Variants in ZFAND3 observed in about 807,000 individuals in gnomAD.
ZFAND3 encodes the protein zinc finger AN1-type containing 3, also known as AN1-type zinc finger protein 3.
In ZFAND3, 10 loss-of-function variants were observed where a neutral mutation model predicts 29.6. The observed-to-expected ratio is 0.34, with a 90% CI of 0.21 to 0.57. The LOEUF (loss-of-function observed/expected upper bound fraction) is 0.57, where lower values mean the gene tolerates loss of function less well. ZFAND3 is among the 20% of genes least tolerant of loss of function. The pLI, the probability that ZFAND3 is intolerant of heterozygous loss-of-function variation, is 0.86. For synonymous variants in ZFAND3, 128 were observed against 112.6 expected, an observed-to-expected ratio of 1.14 and a Z score of -0.87; for missense variants, 230 against 304.5, an observed-to-expected ratio of 0.76 and a Z score of 1.82.
At chr6:37,981,561 T>C (rs1236223859) in intron 2 of ZFAND3, among the ~76,000 whole-genome samples, 2 of 152,180 alleles carry the variant, frequency 1.3e-5, no homozygotes, top group Non-Finnish European at 2.9e-5. Flanking sequence ...CATGGAATTC[T>C]CAGTAAGTTT....
intron 1 of ZFAND3, among the ~76,000 whole-genome samples, chr6:37,885,955 A>G (rs1395437357): frequency 6.6e-6 from 1 of 151,658 alleles, no homozygotes; most frequent in Non-Finnish European, 1.5e-5. Context: ...AAGTTCGAAC[A>G]GGCCAGGTGC....
At chr6:37,904,269 A>T (rs1326610791) in intron 1 of ZFAND3, among the ~76,000 whole-genome samples, 1 of 152,176 alleles carries the variant, frequency 6.6e-6, no homozygotes, top group Non-Finnish European at 1.5e-5. Flanking sequence ...CACCTTTGAC[A>T]TGCAGCAGAA....
At chr6:38,061,555 G>GCACA (rs1561984821) in intron 2 of ZFAND3, 38 bp from the exon 3 acceptor site, 1 of 1,610,740 alleles carries the variant, frequency 6.2e-7, no homozygotes, top group Non-Finnish European at 8.5e-7. Flanking sequence ...CAGAGACTGT[G>GCACA]AACTCCTTAA....
At chr6:37,896,576 T>TTCTTTCTC (rs1554153880) in intron 1 of ZFAND3, among the ~76,000 whole-genome samples, 1 of 138,904 alleles carries the variant, frequency 7.2e-6, no homozygotes, top group African/African-American at 2.6e-5. Flanking sequence ...CTTTCTCTCT[T>TTCTTTCTC]TCTCTCTCTT....
intron 1 of ZFAND3, among the ~76,000 whole-genome samples, chr6:37,881,557 A>G (rs1383424582): frequency 6.6e-6 from 1 of 152,140 alleles, no homozygotes; most frequent in Non-Finnish European, 1.5e-5. Context: ...CTAAATCTTT[A>G]ATCTCTCCAC....
intron 1 of ZFAND3, among the ~76,000 whole-genome samples, chr6:37,854,088 A>T (rs1764332789): frequency 1.3e-5 from 2 of 152,034 alleles, no homozygotes; most frequent in Non-Finnish European, 2.9e-5. Context: ...AGTAGCTGGG[A>T]TTATAGGCAT....
intron 1 of ZFAND3, among the ~76,000 whole-genome samples, chr6:37,910,878 C>T (rs1765508231): frequency 6.6e-6 from 1 of 152,122 alleles, no homozygotes; most frequent in African/African-American, 2.4e-5. Flanking sequence ...GAAAGAATTT[C>T]CTTCTCTTTT....
intron 1 of ZFAND3, among the ~76,000 whole-genome samples, chr6:37,893,665 T>C (rs1765144636): frequency 6.6e-6 from 1 of 152,150 alleles, no homozygotes; most frequent in Non-Finnish European, 1.5e-5. Flanking sequence ...GCGATTCTCC[T>C]GCCTCAGCCT....
At position 38,087,923 on chromosome 6, in the gene ZFAND3, T is replaced by G. The variant is rs79690248; in HGVS notation, c.361+5466T>G. Among the ~76,000 whole-genome samples, 2,610 of 152,324 alleles carry G rather than the reference T, an allele frequency of 0.017. 254 individuals are homozygous for G. The East Asian group carries it at 0.28, about 16-fold the overall frequency. On this transcript the variant is annotated intron_variant, in intron 4 of 5. Transcript: ENST00000287218. ...ACTATTCACAATAGCTAAGAATGTT[T>G]CCAGCATGAAATGTTTCCTTGCTGT...
intron 2 of ZFAND3, among the ~76,000 whole-genome samples, chr6:37,996,815 T>C (rs1049864116): frequency 1.3e-5 from 2 of 152,208 alleles, no homozygotes; most frequent in Admixed American, 1.3e-4. Context: ...ATTTCCCATG[T>C]TTCTATTTTG....
chr6:38,152,611 T>C lies in ZFAND3; in HGVS notation c.*222T>C, dbSNP rs1372763564. ...GGTGCCTGCTAGCCATTGTATAAAATTAAAACATGAAGAATATTTTTTTTT... is the reference window on the plus strand; with the variant it reads ...GGTGCCTGCTAGCCATTGTATAAAACTAAAACATGAAGAATATTTTTTTTT... On this transcript the variant is annotated 3_prime_UTR_variant, in exon 6 of 6. Coordinates refer to ENST00000287218, the MANE Select transcript of ZFAND3 (RefSeq NM_021943.3). The C allele has an allele frequency of 1.4e-5, 17 of 1,235,598 alleles. No individual in the cohort carries two copies. Among genetic ancestry groups the C allele is most frequent in the Non-Finnish European group, 1.7e-5 (17 of 989,592 alleles). 76.5% of individuals were successfully genotyped at this position (1,235,598 alleles called of 1,614,324 possible).
chr6:38,107,758 A>G (rs1765236817), intron 4 of ZFAND3, among the ~76,000 whole-genome samples: 1 of 152,320 alleles, frequency 6.6e-6, no homozygotes, highest in African/African-American at 2.4e-5. Context: ...ACTTGAGCCC[A>G]GGAGGTTAAG....
chr6:37,851,143 T>C (rs1764272922), intron 1 of ZFAND3, among the ~76,000 whole-genome samples: 1 of 151,546 alleles, frequency 6.6e-6, no homozygotes, highest in Non-Finnish European at 1.5e-5. Context: ...TGACTAATTT[T>C]ATCGTTTTCT....
rs549355598 is a variant in ZFAND3 at position 38,047,913 on chromosome 6, GATA to G, written c.113-13675_113-13673del. On this transcript the variant is annotated intron_variant, in intron 2 of 5. Coordinates refer to ENST00000287218, the MANE Select transcript of ZFAND3 (RefSeq NM_021943.3). The stretch of plus-strand genomic sequence containing the variant: ...GCAGGTAAATTAGCCTAAGCTGACT[GATA>G]ATAAGAACCGTAGGTTAAGAAGATC... 3.1e-3 allele frequency among the ~76,000 whole-genome samples: 464 copies of G among 151,366 alleles called. 3 individuals are homozygous for G. The highest frequency in any genetic ancestry group is 0.011 in the African/African-American group (441 of 41,288).
chr6:38,054,622 G>A (rs1222587979), intron 2 of ZFAND3, among the ~76,000 whole-genome samples: 2 of 152,112 alleles, frequency 1.3e-5, no homozygotes, highest in South Asian at 2.1e-4. Context: ...AGGTAAAGGC[G>A]TTTTGCTTTT....
rs1383025934 is a variant in ZFAND3 at position 37,845,308 on chromosome 6, T to TAC, written c.71+25295_71+25296dup. ...TTTTTAGGTGTTATAATGTGTTATA[T>TAC]ACACCCTCCTTATCACTCACATTTT... On this transcript the variant is annotated intron_variant, in intron 1 of 5. Coordinates refer to ENST00000287218, the MANE Select transcript of ZFAND3 (RefSeq NM_021943.3). Among the ~76,000 whole-genome samples the TAC allele has an allele frequency of 3.9e-5, 6 of 152,342 alleles. No individual in the cohort carries two copies. In the East Asian group the frequency reaches 1.2e-3, roughly 29 times the overall value.
At chr6:37,893,497 G>A (rs868194788) in intron 1 of ZFAND3, among the ~76,000 whole-genome samples, 6 of 152,066 alleles carry the variant, frequency 3.9e-5, no homozygotes, top group South Asian at 2.1e-4. Context: ...TATCTTTAAC[G>A]TATGACAGTC....
At chr6:37,955,810 A>G (rs1485232026) in intron 2 of ZFAND3, among the ~76,000 whole-genome samples, 1 of 152,216 alleles carries the variant, frequency 6.6e-6, no homozygotes, top group Non-Finnish European at 1.5e-5. Context: ...TAGTATGGGA[A>G]TAGGAGCAAG....
In ZFAND3 at chr6:38,058,916, C is replaced by G. The variant is rs73730860; in HGVS notation, c.113-2677C>G. ...GCACATAATAAACGCATCATAAATG[C>G]TAGCTATTCTTACGCTGAGAATATG... On this transcript the variant is annotated intron_variant, in intron 2 of 5. Coordinates refer to ENST00000287218, the MANE Select transcript of ZFAND3 (RefSeq NM_021943.3). Among the ~76,000 whole-genome samples the G allele has an allele frequency of 5.0e-3, 765 of 152,258 alleles. 9 individuals are homozygous for G. Among genetic ancestry groups the G allele is most frequent in the African/African-American group, 0.017 (710 of 41,532 alleles).
Sources: allele counts gnomAD v4.1 joint callset (sites outside exome capture counted in the v4.1 genomes callset), GRCh38; gene constraint gnomAD v4.1.1; transcripts MANE v1.5; gene names NCBI Gene and HGNC (gene_info 2026-07-23, HGNC 2026-07-21).